Variants in TENM1 observed in about 807,000 individuals in gnomAD.
TENM1 encodes teneurin-1.
Under a neutral mutation model 174.8 loss-of-function variants are expected in TENM1, and 35 were observed. The ratio of observed to expected loss-of-function variants is 0.20; its 90% CI spans 0.15 to 0.27. TENM1 has a LOEUF of 0.27. Ranked by LOEUF, TENM1 falls within the 10% of genes least tolerant of loss-of-function variation. TENM1 has a pLI of 1.00. For missense variants in TENM1, 1,633 were observed against 2,130.1 expected, an observed-to-expected ratio of 0.77 and a Z score of 4.59; for synonymous variants, 781 against 798.7, an observed-to-expected ratio of 0.98 and a Z score of 0.37.
the TENM1 span, among the ~76,000 whole-genome samples, chrX:125,196,794 A>C: frequency 8.9e-6 from 1 of 111,943 alleles, no homozygotes; most frequent in Middle Eastern, 4.6e-3. Flanking sequence ...CATTATCAAT[A>C]ACTTTCCTGA....
At chrX:124,979,187 T>C in the TENM1 span, among the ~76,000 whole-genome samples, 4 of 112,949 alleles carry the variant, frequency 3.5e-5, no homozygotes, top group Middle Eastern at 4.6e-3. Context: ...CTAATCATCA[T>C]AGATTCCCAC....
At chrX:124,526,190 TGA>T (rs2047971842) in intron 16 of TENM1, among the ~76,000 whole-genome samples, 1 of 111,747 alleles carries the variant, frequency 8.9e-6, no homozygotes, top group Non-Finnish European at 1.9e-5. Flanking sequence ...AGATGATCCT[TGA>T]TAATGTGGGT....
In TENM1 at chrX:124,754,930, G is replaced by C. The variant is rs1367931430; in HGVS notation, c.536-17733C>G. Reference sequence around the variant, plus strand: ...CAACTATGTGGTCAATTTTGGAATAGGTGTGGTGTGGTGCTGAACAAAATG... The same window carrying C: ...CAACTATGTGGTCAATTTTGGAATACGTGTGGTGTGGTGCTGAACAAAATG... On this transcript the variant is annotated intron_variant, in intron 3 of 31. Coordinates refer to ENST00000422452, the Ensembl canonical transcript of TENM1. Among the ~76,000 whole-genome samples the C allele has an allele frequency of 6.6e-5, 7 of 105,696 alleles. No homozygotes were observed. The Admixed American group carries it at 6.9e-4, about 10-fold the overall frequency. 91.8% of individuals were successfully genotyped at this position (105,696 alleles called of 115,157 possible).
the TENM1 span, among the ~76,000 whole-genome samples, chrX:125,187,089 G>A: frequency 1.8e-5 from 2 of 111,327 alleles, no homozygotes; most frequent in Non-Finnish European, 1.9e-5. Context: ...GGTGAAACCC[G>A]GTCTCTATTA....
chrX:125,154,795 G>T, the TENM1 span, among the ~76,000 whole-genome samples: 1 of 109,177 alleles, frequency 9.2e-6, no homozygotes. Context: ...AGACTTTCGC[G>T]GTGAGTGTTA....
At chrX:125,189,723 G>A in the TENM1 span, among the ~76,000 whole-genome samples, 1 of 112,109 alleles carries the variant, frequency 8.9e-6, no homozygotes, top group Non-Finnish European at 1.9e-5. Flanking sequence ...AGCAGAAGAA[G>A]GGCCTAAAAG....
intron 14 of TENM1, among the ~76,000 whole-genome samples, chrX:124,550,671 T>C (rs1282037955): frequency 1.8e-5 from 2 of 111,889 alleles, no homozygotes; most frequent in Admixed American, 9.4e-5. Context: ...GACTTCCAAG[T>C]GCATGACTAT....
At chrX:124,774,043 G>C (rs1250613423) in intron 3 of TENM1, among the ~76,000 whole-genome samples, 1 of 111,545 alleles carries the variant, frequency 9.0e-6, no homozygotes, top group Non-Finnish European at 1.9e-5. Context: ...GAAACAAAAG[G>C]TTCACCAAAC....
intron 18 of TENM1, among the ~76,000 whole-genome samples, chrX:124,506,649 C>T (rs773535033): frequency 2.7e-5 from 3 of 111,313 alleles, no homozygotes; most frequent in South Asian, 7.7e-4. Flanking sequence ...GGGGTATTTT[C>T]GTATGTGGCT....
chrX:124,815,852 G>T (rs889839939), intron 3 of TENM1, among the ~76,000 whole-genome samples: 2 of 111,400 alleles, frequency 1.8e-5, no homozygotes, highest in African/African-American at 6.5e-5. Flanking sequence ...AGACTTCTAT[G>T]CAACAAAATA....
intron 28 of TENM1, among the ~76,000 whole-genome samples, chrX:124,389,499 C>A (rs901769747): frequency 8.9e-6 from 1 of 112,279 alleles, no homozygotes; most frequent in African/African-American, 3.2e-5. Context: ...AGATACAAAA[C>A]CTCAAGTCAG....
At chrX:124,766,396 T>C (rs2054539276) in intron 3 of TENM1, among the ~76,000 whole-genome samples, 1 of 111,848 alleles carries the variant, frequency 8.9e-6, no homozygotes, top group Non-Finnish European at 1.9e-5. Context: ...AACATCACAT[T>C]TAGTAAAGAT....
intron 1 of TENM1, among the ~76,000 whole-genome samples, chrX:124,900,463 G>A (rs1174525824): frequency 8.9e-6 from 1 of 111,814 alleles, no homozygotes; most frequent in Non-Finnish European, 1.9e-5. Flanking sequence ...CTTGATTGTG[G>A]TGATAGTTTC....
chrX:124,482,549 C>T (rs1007796085), intron 21 of TENM1, among the ~76,000 whole-genome samples: 9 of 111,330 alleles, frequency 8.1e-5, no homozygotes, highest in African/African-American at 2.6e-4. Flanking sequence ...CAATTGACTA[C>T]CACAGTTTTC....
chrX:124,729,618 A>G (rs968015348), intron 4 of TENM1, among the ~76,000 whole-genome samples: 3 of 112,299 alleles, frequency 2.7e-5, no homozygotes, highest in Admixed American at 9.4e-5. Context: ...AGGCTTGGAG[A>G]AGGAGATAGC....
At chrX:124,469,584 A>G (rs2061277638) in intron 22 of TENM1, among the ~76,000 whole-genome samples, 1 of 111,635 alleles carries the variant, frequency 9.0e-6, no homozygotes, top group Admixed American at 9.6e-5. Context: ...GGTCACTAAA[A>G]AGTCTGCCCA....
chrX:124,679,564 A>G (rs1023519927), intron 5 of TENM1, among the ~76,000 whole-genome samples: 1 of 112,136 alleles, frequency 8.9e-6, no homozygotes. Flanking sequence ...AGTGACTGCC[A>G]ACATTACAGA....
chrX:124,757,549 C>T (rs972604173), intron 3 of TENM1, among the ~76,000 whole-genome samples: 2 of 112,638 alleles, frequency 1.8e-5, no homozygotes, highest in Admixed American at 1.9e-4. Flanking sequence ...AACCCGGTAC[C>T]TCTGATGGAA....
the TENM1 span, among the ~76,000 whole-genome samples, chrX:124,995,089 T>C: frequency 7.2e-5 from 8 of 110,685 alleles, no homozygotes; most frequent in Non-Finnish European, 1.3e-4. Context: ...CCACAGGGCC[T>C]TTGTACATGC....
Sources: allele counts gnomAD v4.1 joint callset (sites outside exome capture counted in the v4.1 genomes callset), GRCh38; gene constraint gnomAD v4.1.1; transcripts MANE v1.5; gene names NCBI Gene and HGNC (gene_info 2026-07-23, HGNC 2026-07-21).